TTC6: variants seen among roughly 807,000 people sequenced by gnomAD.
TTC6 encodes the protein tetratricopeptide repeat domain 6, also known as tetratricopeptide repeat protein 6.
A neutral mutation model predicts 210.4 loss-of-function variants in TTC6; 172 were observed. The observed-to-expected ratio is 0.82, with a 90% CI of 0.72 to 0.93. TTC6 has a LOEUF of 0.93. TTC6 is among the 40% of genes least tolerant of loss of function. The pLI is 0.00. For synonymous variants in TTC6, 804 were observed against 819.6 expected (o/e 0.98, Z 0.32); for missense variants, 2,414 against 2,318.1 (o/e 1.04, Z -0.85).
chr14:37,812,603 T>C (rs770676404), intron 25 of TTC6, among the ~76,000 whole-genome samples, 170 bp downstream of exon 27: 10,278 of 152,166 alleles, frequency 0.068, 518 homozygotes, highest in South Asian at 0.13. Flanking sequence ...AAAAAATGTA[T>C]ATTTTTGCTT....
intron 10 of TTC6, among the ~76,000 whole-genome samples, chr14:37,748,263 T>G (rs1162705325): frequency 6.6e-6 from 1 of 152,214 alleles, no homozygotes; most frequent in African/African-American, 2.4e-5. Flanking sequence ...GCACTAGGTA[T>G]TTCTCATAGT....
chr14:37,662,170 C>G (rs2095738767), intron 1 of TTC6, among the ~76,000 whole-genome samples: 1 of 152,094 alleles, frequency 6.6e-6, no homozygotes, highest in Non-Finnish European at 1.5e-5. Flanking sequence ...ATTGCCCTGG[C>G]CAGAACTTCC....
intron 29 of TTC6, among the ~76,000 whole-genome samples, chr14:37,836,487 G>A (rs561985303): frequency 2.6e-5 from 4 of 152,198 alleles, no homozygotes; most frequent in Non-Finnish European, 5.9e-5. Flanking sequence ...TACTATATGG[G>A]CATCATGTAG....
intron 1 of TTC6, among the ~76,000 whole-genome samples, chr14:37,663,994 A>AC (rs2095742906): frequency 1.5e-5 from 2 of 136,110 alleles, no homozygotes; most frequent in Non-Finnish European, 3.5e-5. Flanking sequence ...TGCTCAAAGA[A>AC]ATCAGAGATG....
chr14:37,698,018 A>G (rs2095817953), intron 4 of TTC6, among the ~76,000 whole-genome samples: 1 of 152,126 alleles, frequency 6.6e-6, no homozygotes, highest in Admixed American at 6.6e-5. Context: ...TGCCAAAAAT[A>G]TTTGTAGATC....
chr14:37,606,792 A>G lies in TTC6; in HGVS notation c.-155+50A>G, dbSNP rs1415289405. 3 of 984,756 alleles carry G rather than the reference A, an allele frequency of 3.0e-6. No homozygotes were observed. The African/African-American group carries it at 5.2e-5, about 17-fold the overall frequency. 61.0% of individuals were successfully genotyped at this position (984,756 alleles called of 1,614,324 possible). ...GTTCATCCTCATCCTGTAAGTCATC[A>G]AAAGGCTCTACTCCTTCCCTGTCAC... On this transcript the variant is annotated intron_variant, in intron 2 of 2. Transcript: ENST00000556845.
Position 37,788,927 on chromosome 14 carries a change from C to A in TTC6, c.3436+1290C>A, listed in dbSNP as rs549567858. Among the ~76,000 whole-genome samples the A allele has an allele frequency of 2.6e-5, 4 of 152,148 alleles. No homozygotes were observed. The South Asian group carries it at 8.3e-4, about 32-fold the overall frequency. On this transcript the variant is annotated intron_variant, in intron 15 of 30. Transcript: ENST00000553443. ...TTCTCTCTGATCTTCCTCTAAAGGC[C>A]TCTTTCTCATATTTCCCTCTTATAC...
intron 25 of TTC6, among the ~76,000 whole-genome samples, chr14:37,817,312 T>C (rs1221854638): frequency 6.6e-6 from 1 of 152,184 alleles, no homozygotes; most frequent in Non-Finnish European, 1.5e-5. Flanking sequence ...AAAATCCCCA[T>C]TCTTGAGTAG....
intron 9 of TTC6, among the ~76,000 whole-genome samples, chr14:37,738,008 A>G: frequency 6.6e-6 from 1 of 151,896 alleles, no homozygotes; most frequent in Non-Finnish European, 1.5e-5. Context: ...ACTATAAAGA[A>G]CTACATCTGT....
At chr14:37,673,571 A>G (rs981920450) in intron 1 of TTC6, among the ~76,000 whole-genome samples, 1 of 152,116 alleles carries the variant, frequency 6.6e-6, no homozygotes, top group Non-Finnish European at 1.5e-5. Flanking sequence ...CCTCCTTTTA[A>G]TGATGATTGA....
At chr14:37,832,819 G>A (rs2096189049) in intron 29 of TTC6, among the ~76,000 whole-genome samples, 1 of 152,130 alleles carries the variant, frequency 6.6e-6, no homozygotes, top group Admixed American at 6.6e-5. Flanking sequence ...CAGCACTTTG[G>A]GAGGCCAAGG....
intron 1 of TTC6, among the ~76,000 whole-genome samples, chr14:37,663,651 T>G (rs1352994591): frequency 1.3e-5 from 2 of 152,164 alleles, no homozygotes; most frequent in Admixed American, 6.5e-5. Flanking sequence ...TGTGTCACAG[T>G]TGGCTGTCTT....
intron 5 of TTC6, among the ~76,000 whole-genome samples, chr14:37,702,555 T>C (rs2095827549): frequency 6.6e-6 from 1 of 152,122 alleles, no homozygotes; most frequent in African/African-American, 2.4e-5. Flanking sequence ...TCAGAAGCCA[T>C]GGTAAAAATA....
At chr14:37,651,724 T>A (rs1595062665) in intron 1 of TTC6, among the ~76,000 whole-genome samples, 1 of 151,942 alleles carries the variant, frequency 6.6e-6, no homozygotes, top group African/African-American at 2.4e-5. Flanking sequence ...AGTTTGAGGC[T>A]GCAGTGTGCT....
At chr14:37,790,730 T>A (rs1451204276) in exon 16 of TTC6, 1 of 1,533,504 alleles carries the variant, frequency 6.5e-7, no homozygotes, top group Admixed American at 2.0e-5. Context: ...TCATAAATGA[T>A]GGCTATGAGA....
At chr14:37,691,650 G>A (rs2095803807) in intron 3 of TTC6, among the ~76,000 whole-genome samples, 1 of 151,962 alleles carries the variant, frequency 6.6e-6, no homozygotes, top group South Asian at 2.1e-4. Context: ...AAAAGAAAGA[G>A]CAAACCAAAC....
At chr14:37,620,100 AT>A (rs1273610179), upstream of TTC6, among the ~76,000 whole-genome samples, 1 of 152,192 alleles carries the variant, frequency 6.6e-6, no homozygotes, top group East Asian at 1.9e-4. Context: ...AAATTTTACC[AT>A]TATAGTAAAA....
intron 2 of TTC6, 83 bp downstream of exon 4, chr14:37,680,344 T>TA (rs1290665652): frequency 1.1e-5 from 10 of 879,654 alleles, no homozygotes; most frequent in African/African-American, 8.6e-5. Flanking sequence ...TATAGAGAGT[T>TA]AAAAAAATTT....
chr14:37,739,511 A>G (rs970546222), intron 10 of TTC6, among the ~76,000 whole-genome samples: 3 of 150,692 alleles, frequency 2.0e-5, no homozygotes, highest in South Asian at 4.2e-4. Flanking sequence ...GGAGGTTGCA[A>G]TGAGCTGAGA....
Sources: allele counts gnomAD v4.1 joint callset (sites outside exome capture counted in the v4.1 genomes callset), GRCh38; gene constraint gnomAD v4.1.1; transcripts MANE v1.5; gene names NCBI Gene and HGNC (gene_info 2026-07-23, HGNC 2026-07-21).